ZBTB22: variants seen among roughly 807,000 people sequenced by gnomAD.
ZBTB22 encodes the protein zinc finger and BTB domain containing 22, also known as zinc finger and BTB domain-containing protein 22.
For synonymous variants in ZBTB22, 356 were observed against 347.3 expected, an observed-to-expected ratio of 1.03 and a Z score of -0.28; for missense variants, 668 against 834.1, an observed-to-expected ratio of 0.80 and a Z score of 2.45.
At position 33,317,117 on chromosome 6, in the gene ZBTB22, C is replaced by G. The variant is rs188710944; in HGVS notation, c.-69-132G>C. 3 of 613,382 alleles carry G rather than the reference C, an allele frequency of 4.9e-6. No individual in the cohort carries two copies. The Admixed American group carries it at 1.0e-4, about 21-fold the overall frequency. The allele number at this position is 613,382 out of a possible 1,614,324, so 38.0% of individuals were successfully genotyped here. A position where few individuals can be genotyped will look rare whatever the true frequency, so the allele number is the denominator to read the frequency against. On this transcript the variant is annotated intron_variant, in intron 1 of 1. Coordinates refer to ENST00000431845, the MANE Select transcript of ZBTB22 (RefSeq NM_005453.5). ...GTGAGGTAGGTATTCCTCTCAACCC[C>G]ATTTGACAGATGAGGAAACTAAAGC... is the stretch of plus-strand genomic sequence containing the variant.
Position 33,315,518 on chromosome 6 carries a change from G to T in ZBTB22, c.1399C>A (p.Pro467Thr). The T allele has an allele frequency of 1.2e-6, 2 of 1,613,758 alleles. No homozygotes were observed. The highest frequency in any genetic ancestry group is 8.5e-7 in the Non-Finnish European group (1 of 1,179,954). Reference protein sequence around the residue: ...GGTSVGSLGVPGSVGGVPGGT... With the variant: ...GGTSVGSLGVTGSVGGVPGGT... ...CCAGGGACCCCACCAACGCTACCCG[G>T]CACACCCAGGCTCCCCACCGACGTG... The change falls in exon 2 of 2, where the codon CCG becomes ACG. Residue 467 changes from proline to threonine, a missense_variant. Transcript: ENST00000431845. This position sits in a 1 kb window ranked among gnomAD's most constrained non-coding sequence, Gnocchi z 5.4.
Position 33,315,478 on chromosome 6 carries a change from C to G in ZBTB22, c.1439G>C (p.Gly480Ala), listed in dbSNP as rs1562707224. Residue 480 changes from glycine (G) to alanine (A), a missense_variant, in exon 2 of 2, where the codon GGG becomes GCG. Transcript: ENST00000431845. The surrounding 1 kb of genome is among the most constrained non-coding windows in gnomAD (Gnocchi z 5.4). ...GCACAGAAAGATCTTATTCCCGTCC[C>G]CACTGCCAGTCCCTCCAGGGACCCC... ...VGGVPGGTGS[G>A]DGNKIFLCHC... is the part of the protein sequence containing the mutation. 6.2e-7 allele frequency: 1 copy of G among 1,614,034 alleles called. No individual in the cohort carries two copies. The highest frequency in any genetic ancestry group is 1.7e-5 in the Admixed American group (1 of 59,998).
rs1171222723 is a variant in ZBTB22 at position 33,315,502 on chromosome 6, C to G, written c.1415G>C (p.Gly472Ala). The change falls in exon 2 of 2, where the codon GGG (glycine) becomes GCG (alanine). Residue 472 changes from glycine (G) to alanine (A), a missense_variant. Transcript: ENST00000431845. This position sits in a 1 kb window ranked among gnomAD's most constrained non-coding sequence, Gnocchi z 5.4. ...GSLGVPGSVGGVPGGTGSGDG... is the reference protein window; with the variant it reads ...GSLGVPGSVGAVPGGTGSGDG... Reference sequence around the variant, plus strand: ...CCCACTGCCAGTCCCTCCAGGGACCCCACCAACGCTACCCGGCACACCCAG... The same window carrying G: ...CCCACTGCCAGTCCCTCCAGGGACCGCACCAACGCTACCCGGCACACCCAG... 1 of 1,613,872 alleles carries G rather than the reference C, an allele frequency of 6.2e-7. No homozygotes were observed. The highest frequency in any genetic ancestry group is 8.5e-7 in the Non-Finnish European group (1 of 1,179,972).
rs1250871901 is a variant in ZBTB22, at chr6:33,316,839, C to G, written c.78G>C (p.Leu26=). ...ACACATGTACCACTGCAGCTGCTGGCAGGGGTAGTGGGGGCGGAGCCAGCG... is the reference window on the plus strand; with the variant it reads ...ACACATGTACCACTGCAGCTGCTGGGAGGGGTAGTGGGGGCGGAGCCAGCG... The part of the protein sequence containing the change: ...PLSLAPPPLP[L]PAAAVVHVSF... The change falls in exon 2 of 2, where the codon CTG becomes CTC. Residue 26 remains leucine, a synonymous_variant. Transcript: ENST00000431845. The surrounding 1 kb of genome is among the most constrained non-coding windows in gnomAD (Gnocchi z 7.2). The G allele has an allele frequency of 6.2e-7, 1 of 1,613,790 alleles. No homozygotes were observed. Among genetic ancestry groups the G allele is most frequent in the Non-Finnish European group, 8.5e-7 (1 of 1,179,992 alleles).
At chr6:33,317,631 A>T (rs1202746533) in intron 1 of ZBTB22, 22 bp downstream of exon 1, 1 of 77,300 alleles carries the variant, frequency 1.3e-5, no homozygotes, top group Non-Finnish European at 2.6e-5. Flanking sequence ...GGCGCCCCCC[A>T]ACCTCGCGCG....
In ZBTB22 at chr6:33,315,202, A is replaced by G. The variant is rs771122138; in HGVS notation, c.1715T>C (p.Val572Ala). The change falls in exon 2 of 2, where the codon GTC becomes GCC. Residue 572 changes from valine to alanine, a missense_variant. By Grantham distance (64) the Val-to-Ala change is moderately conservative. Transcript: ENST00000431845. This position sits in a 1 kb window ranked among gnomAD's most constrained non-coding sequence, Gnocchi z 5.4. ...HCERRHRLGG[V>A]GAVPGPGTPT... is the part of the protein sequence containing the mutation. ...AGTCCCAGGCCCAGGTACGGCCCCG[A>G]CCCCGCCCAGGCGGTGCCGGCGCTC... The G allele has an allele frequency of 2.5e-6, 4 of 1,608,996 alleles. No homozygotes were observed. In the Admixed American group the frequency reaches 5.0e-5, roughly 20 times the overall value.
rs1233045786 is a variant in ZBTB22, at chr6:33,315,651, C to G, written c.1266G>C (p.Gln422His). ...PPRPLLPLDMQGNQILVFPSS... is the reference protein window; with the variant it reads ...PPRPLLPLDMHGNQILVFPSS... ...ACGGGAAGACCAGGATCTGGTTGCC[C>G]TGCATGTCCAAGGGAAGGAGCGGTC... Residue 422 changes from glutamine (Q) to histidine (H), a missense_variant, in exon 2 of 2, where the codon CAG becomes CAC. Transcript: ENST00000431845. The surrounding 1 kb of genome is among the most constrained non-coding windows in gnomAD (Gnocchi z 5.4). 2 of 1,613,764 alleles carry G rather than the reference C, an allele frequency of 1.2e-6. No homozygotes were observed. Among genetic ancestry groups the G allele is most frequent in the Non-Finnish European group, 1.7e-6 (2 of 1,179,970 alleles).
chr6:33,316,578 G>GTC lies in ZBTB22; in HGVS notation c.338_339insGA (p.Tyr113Ter). 6.2e-7 allele frequency: 1 copy of GTC among 1,614,250 alleles called. No individual in the cohort carries two copies. The highest frequency in any genetic ancestry group is 2.2e-5 in the East Asian group (1 of 44,894). Reference sequence around the variant, plus strand: ...CAGCAGCCATGCTGAGGCGGCCAGTGTAAGCGGAGGCTAGGACAGTCTCAA... The same window carrying GTC: ...CAGCAGCCATGCTGAGGCGGCCAGTGTCTAAGCGGAGGCTAGGACAGTCTCAA... ...GAFETVLASA[Y>*]TGRLSMAAAD... The change falls in exon 2 of 2, where the codon TAC becomes TAGAC. Residue 113 changes from tyrosine to a stop codon, truncating the protein, a stop_gained and frameshift_variant. Transcript: ENST00000431845. LOFTEE classifies it low-confidence loss of function (END_TRUNC). The surrounding 1 kb of genome is among the most constrained non-coding windows in gnomAD (Gnocchi z 7.2).
At position 33,315,448 on chromosome 6, in the gene ZBTB22, C is replaced by A; in HGVS notation, c.1469G>T (p.Cys490Phe). The change falls in exon 2 of 2, where the codon TGT becomes TTT. Residue 490 changes from cysteine to phenylalanine, a missense_variant. By Grantham distance (205) the Cys-to-Phe change is radical (BLOSUM62 -2). Transcript: ENST00000431845. The surrounding 1 kb of genome is among the most constrained non-coding windows in gnomAD (Gnocchi z 5.4). ...GCTCTTGTGGGAGAAGGCCTTCCCA[C>A]AATGGCACAGAAAGATCTTATTCCC... Reference protein sequence around the residue: ...GDGNKIFLCHCGKAFSHKSMR... With the variant: ...GDGNKIFLCHFGKAFSHKSMR... 6.2e-7 allele frequency: 1 copy of A among 1,614,162 alleles called. No individual in the cohort carries two copies. Among genetic ancestry groups the A allele is most frequent in the Non-Finnish European group, 8.5e-7 (1 of 1,180,024 alleles).
At chr6:33,317,045 A>T in intron 1 of ZBTB22, 60 bp from the exon 2 acceptor site, 1 of 1,173,970 alleles carries the variant, frequency 8.5e-7, no homozygotes, top group African/African-American at 1.6e-5. Context: ...GCCCGTTACA[A>T]CTCAAAAATA....
chr6:33,316,423 G>C lies in ZBTB22; in HGVS notation c.494C>G (p.Ser165Cys), dbSNP rs747281276. Residue 165 changes from serine (S) to cysteine (C), a missense_variant, in exon 2 of 2, where the codon TCT (serine) becomes TGT (cysteine). By Grantham distance (112) the Ser-to-Cys change is moderately radical (BLOSUM62 -1). Transcript: ENST00000431845. This position sits in a 1 kb window ranked among gnomAD's most constrained non-coding sequence, Gnocchi z 7.2. ...CACCCCAGCACCAGGGACAGTGACAGAGGTGGCTGCAGCAGTAGTGATGGT... is the reference window on the plus strand; with the variant it reads ...CACCCCAGCACCAGGGACAGTGACACAGGTGGCTGCAGCAGTAGTGATGGT... ...TTTITTAAATSVTVPGAGVPS... is the reference protein window; with the variant it reads ...TTTITTAAATCVTVPGAGVPS... 2 of 1,614,026 alleles carry C rather than the reference G, an allele frequency of 1.2e-6. No individual in the cohort carries two copies. The highest frequency in any genetic ancestry group is 1.7e-6 in the Non-Finnish European group (2 of 1,180,038).
Position 33,316,190 on chromosome 6 carries a change from G to C in ZBTB22, c.727C>G (p.Pro243Ala), listed in dbSNP as rs777760075. 1.9e-6 allele frequency: 3 copies of C among 1,613,928 alleles called. No homozygotes were observed. In the African/African-American group the frequency reaches 4.0e-5, roughly 22 times the overall value. The part of the protein sequence containing the change: ...GERRGGGPVF[P>A]APVVGSGGAT... ...CCTCCACTGCCAACGACAGGGGCTGGGAATACAGGGCCACCTCCTCGACGC... is the reference window on the plus strand; with the variant it reads ...CCTCCACTGCCAACGACAGGGGCTGCGAATACAGGGCCACCTCCTCGACGC... The change falls in exon 2 of 2, where the codon CCA (proline) becomes GCA (alanine). Residue 243 changes from proline (P) to alanine (A), a missense_variant. Coordinates refer to ENST00000431845, the MANE Select transcript of ZBTB22 (RefSeq NM_005453.5). The surrounding 1 kb of genome is among the most constrained non-coding windows in gnomAD (Gnocchi z 7.2).
chr6:33,316,890 A>G lies in ZBTB22; in HGVS notation c.27T>C (p.Ser9=), dbSNP rs376554920. 4 of 1,608,362 alleles carry G rather than the reference A, an allele frequency of 2.5e-6. No homozygotes were observed. The highest frequency in any genetic ancestry group is 2.2e-5 in the East Asian group (1 of 44,858). The change falls in exon 2 of 2, where the codon AGT becomes AGC. Residue 9 remains serine, a synonymous_variant. Transcript: ENST00000431845. This position sits in a 1 kb window ranked among gnomAD's most constrained non-coding sequence, Gnocchi z 7.2. ...ACAGCGGCAGGGGAAGTGCTGCCCCACTGGGAGACAGAGGAGATGGCTCCA... is the reference window on the plus strand; with the variant it reads ...ACAGCGGCAGGGGAAGTGCTGCCCCGCTGGGAGACAGAGGAGATGGCTCCA... MEPSPLSP[S]GAALPLPLSL... is the part of the protein sequence containing the mutation.
intron 1 of ZBTB22, among the ~76,000 whole-genome samples, chr6:33,317,261 G>A (rs923764602): frequency 6.6e-6 from 1 of 152,166 alleles, no homozygotes; most frequent in Non-Finnish European, 1.5e-5. Context: ...TGCTCTTAGG[G>A]GCTGGAGTGG....
rs1469970568 is a variant in ZBTB22, at chr6:33,315,107, T to G, written c.1810A>C (p.Ser604Arg). ...CTGCTGGACGGGGGCGTGGCCGCAC[T>G]CGCTTCGTCGCCGCTGCCCCCGCCC... The part of the protein sequence containing the change: ...GVGGGSGDEA[S>R]AATPPSSRRV... The change falls in exon 2 of 2, where the codon AGT (serine) becomes CGT (arginine). Residue 604 changes from serine to arginine, a missense_variant. Transcript: ENST00000431845. This position sits in a 1 kb window ranked among gnomAD's most constrained non-coding sequence, Gnocchi z 5.4. The G allele has an allele frequency of 2.5e-6, 4 of 1,611,770 alleles. No individual in the cohort carries two copies. The highest frequency in any genetic ancestry group is 3.4e-6 in the Non-Finnish European group (4 of 1,178,374).
rs767135423 is a variant in ZBTB22 at position 33,315,549 on chromosome 6, C to T, written c.1368G>A (p.Val456=). ...GNQAEHGAVT[V]GGTSVGSLGV... is the part of the protein sequence containing the mutation. ...CCAGGCTCCCCACCGACGTGCCCCC[C>T]ACGGTCACTGCCCCGTGTTCTGCTT... is the stretch of plus-strand genomic sequence containing the variant. The change falls in exon 2 of 2, where the codon GTG becomes GTA. Residue 456 remains valine (V), a synonymous_variant. Transcript: ENST00000431845. This position sits in a 1 kb window ranked among gnomAD's most constrained non-coding sequence, Gnocchi z 5.4. 3.7e-6 allele frequency: 6 copies of T among 1,614,058 alleles called. No homozygotes were observed. Among genetic ancestry groups the T allele is most frequent in the Non-Finnish European group, 4.2e-6 (5 of 1,180,028 alleles).
rs756396261 is a variant in ZBTB22, at chr6:33,315,611, A to C, written c.1306T>G (p.Ser436Ala). The part of the protein sequence containing the change: ...ILVFPSSSSS[S>A]SSQAPGQPPG... ...GGTTGGCCAGGAGCCTGTGAGGATG[A>C]GGATGAAGACGACGACGGGAAGACC... Residue 436 changes from serine to alanine, a missense_variant, in exon 2 of 2, where the codon TCA becomes GCA. Physicochemically the swap from Ser to Ala is moderately conservative, Grantham distance 99. Coordinates refer to ENST00000431845, the MANE Select transcript of ZBTB22 (RefSeq NM_005453.5). This position sits in a 1 kb window ranked among gnomAD's most constrained non-coding sequence, Gnocchi z 5.4. The C allele has an allele frequency of 6.2e-7, 1 of 1,613,906 alleles. No homozygotes were observed. The highest frequency in any genetic ancestry group is 8.5e-7 in the Non-Finnish European group (1 of 1,179,966).
At position 33,314,800 on chromosome 6, in the gene ZBTB22, T is replaced by G; in HGVS notation, c.*212A>C. ...ACCCATCAGAGGGAAAGGAAGGGTT[T>G]AGTTCTGGAAATACCTTGGGGGGGA... is the stretch of plus-strand genomic sequence containing the variant. On this transcript the variant is annotated 3_prime_UTR_variant, in exon 2 of 2. Transcript: ENST00000431845. 1 of 948,034 alleles carries G rather than the reference T, an allele frequency of 1.1e-6. No homozygotes were observed. Among genetic ancestry groups the G allele is most frequent in the Non-Finnish European group, 1.5e-6 (1 of 677,668 alleles). 58.7% of individuals were successfully genotyped at this position (948,034 alleles called of 1,614,324 possible).
chr6:33,316,402 C>A lies in ZBTB22; in HGVS notation c.515G>T (p.Gly172Val). ...AATSVTVPGA[G>V]VPSGSGGTVA... ...AGTGCCCCCACTCCCGGATGGCACCCCAGCACCAGGGACAGTGACAGAGGT... is the reference window on the plus strand; with the variant it reads ...AGTGCCCCCACTCCCGGATGGCACCACAGCACCAGGGACAGTGACAGAGGT... Residue 172 changes from glycine to valine, a missense_variant, in exon 2 of 2, where the codon GGG (glycine) becomes GTG (valine). By Grantham distance (109) the Gly-to-Val change is moderately radical (BLOSUM62 -3). Coordinates refer to ENST00000431845, the MANE Select transcript of ZBTB22 (RefSeq NM_005453.5). This position sits in a 1 kb window ranked among gnomAD's most constrained non-coding sequence, Gnocchi z 7.2. 1 of 1,614,096 alleles carries A rather than the reference C, an allele frequency of 6.2e-7. No individual in the cohort carries two copies. The highest frequency in any genetic ancestry group is 1.1e-5 in the South Asian group (1 of 91,084).
Sources: allele counts gnomAD v4.1 joint callset (sites outside exome capture counted in the v4.1 genomes callset), GRCh38; gene constraint gnomAD v4.1.1; non-coding constraint Gnocchi (gnomAD v3.1); transcripts MANE v1.5; gene names NCBI Gene and HGNC (gene_info 2026-07-23, HGNC 2026-07-21).